SPPL2B: variants seen among roughly 807,000 people sequenced by gnomAD.
SPPL2B encodes the protein signal peptide peptidase like 2B.
In SPPL2B, 39 loss-of-function variants were observed where a neutral mutation model predicts 59.7. The observed-to-expected ratio is 0.65, with a 90% CI of 0.51 to 0.85. The LOEUF (loss-of-function observed/expected upper bound fraction) is 0.85, where lower values mean the gene tolerates loss of function less well. Among genes scored for constraint, SPPL2B ranks in the 40% least tolerant of loss-of-function variants. SPPL2B has a pLI of 0.00. For missense variants in SPPL2B, 865 were observed against 849.0 expected (o/e 1.02, Z -0.23); for synonymous variants, 419 against 370.8 (o/e 1.13, Z -1.49).
At chr19:2,339,801 A>G in intron 5 of SPPL2B, 23 bp from the exon 6 acceptor site, 1 of 1,598,888 alleles carries the variant, frequency 6.3e-7, no homozygotes, top group Non-Finnish European at 8.5e-7. Context: ...CCAGGGCCCC[A>G]CGACCCCATG....
At chr19:2,335,371 T>C (rs11084933) in intron 2 of SPPL2B, among the ~76,000 whole-genome samples, 960 of 23,226 alleles carry the variant, frequency 0.041, 19 homozygotes, top group Middle Eastern at 0.12. Flanking sequence ...GCCTCCTTTC[T>C]CACTGCATCC....
chr19:2,350,285 A>G (rs1202305281), intron 13 of SPPL2B, among the ~76,000 whole-genome samples: 3 of 132,952 alleles, frequency 2.3e-5, no homozygotes, highest in African/African-American at 3.0e-5. Flanking sequence ...CTCTCTCTCC[A>G]CACACTCACG....
At chr19:2,336,191 A>C (rs1195401023) in intron 2 of SPPL2B, among the ~76,000 whole-genome samples, 1 of 151,822 alleles carries the variant, frequency 6.6e-6, no homozygotes, top group African/African-American at 2.4e-5. Context: ...GGGCATGTGC[A>C]TGGGTCTGAA....
intron 4 of SPPL2B, 84 bp from the exon 5 acceptor site, chr19:2,338,985 C>CCTG: frequency 6.6e-7 from 1 of 1,509,524 alleles, no homozygotes; most frequent in Non-Finnish European, 8.9e-7. Flanking sequence ...GTCTCCAGCC[C>CCTG]CAGCCCCACA....
chr19:2,339,754 G>A, intron 5 of SPPL2B, 70 bp from the exon 6 acceptor site: 2 of 1,548,810 alleles, frequency 1.3e-6, no homozygotes, highest in Non-Finnish European at 8.7e-7. Flanking sequence ...CCCCCGGGTG[G>A]CTGTGGGCTC....
chr19:2,349,647 TTCTC>T (rs777815990), intron 13 of SPPL2B, among the ~76,000 whole-genome samples: 1 of 82,444 alleles, frequency 1.2e-5, no homozygotes, highest in African/African-American at 7.1e-5. Flanking sequence ...CTTGATTCCG[TTCTC>T]TCTCTCCACA....
At chr19:2,335,384 C>G (rs1312886725) in intron 2 of SPPL2B, among the ~76,000 whole-genome samples, 1 of 127,932 alleles carries the variant, frequency 7.8e-6, no homozygotes, top group African/African-American at 3.1e-5. Context: ...CTGCATCCTT[C>G]AGGCCCCGCC....
chr19:2,337,336 G>A, intron 2 of SPPL2B, 107 bp from the exon 3 acceptor site: 2 of 1,110,570 alleles, frequency 1.8e-6, no homozygotes, highest in South Asian at 1.6e-5. Context: ...GGCTTTAGGT[G>A]AGGGCTGGGA....
chr19:2,332,892 G>A lies in SPPL2B; in HGVS notation c.67-1710G>A, dbSNP rs1220081372. ...AGATGTCTTTGTCAGCTGCTGGGTG[G>A]GGGCCCTGGGCAGGGGAGCAGAAGG... On this transcript the variant is annotated intron_variant, in intron 1 of 14. Transcript: ENST00000613503. This position sits in a 1 kb window ranked among gnomAD's most constrained non-coding sequence, Gnocchi z 4.6. Among the ~76,000 whole-genome samples, 1 of 152,108 alleles carries A rather than the reference G, an allele frequency of 6.6e-6. No homozygotes were observed. The highest frequency in any genetic ancestry group is 2.4e-5 in the African/African-American group (1 of 41,414).
At chr19:2,351,972 G>T (rs981487457) in intron 14 of SPPL2B, among the ~76,000 whole-genome samples, 2 of 152,172 alleles carry the variant, frequency 1.3e-5, no homozygotes, top group African/African-American at 4.8e-5. Flanking sequence ...GGCATCCATC[G>T]CCTCTCCTGC....
intron 9 of SPPL2B, 40 bp downstream of exon 9, chr19:2,343,332 A>G (rs1447231454): frequency 6.0e-6 from 9 of 1,490,098 alleles, no homozygotes; most frequent in Non-Finnish European, 8.2e-6. Context: ...CAGCATGGGT[A>G]GTGGGGGCCC....
In SPPL2B at chr19:2,340,973, G is replaced by A. The variant is rs1240233909; in HGVS notation, c.915G>A (p.Val305=). The change falls in exon 8 of 15, where the codon GTG becomes GTA. Residue 305 remains valine (V), a synonymous_variant. Transcript: ENST00000613503. ...TGCTGCTCCTGGCGCTCTTCTGCGTGGCCGTCAGCGTGGTGTGGGGCGTCT... is the reference window on the plus strand; with the variant it reads ...TGCTGCTCCTGGCGCTCTTCTGCGTAGCCGTCAGCGTGGTGTGGGGCGTCT... ...ARMLLLALFC[V]AVSVVWGVFR... 1.2e-6 allele frequency: 2 copies of A among 1,604,882 alleles called. No homozygotes were observed. The highest frequency in any genetic ancestry group is 1.7e-6 in the Non-Finnish European group (2 of 1,179,606).
rs766987228 is a variant in SPPL2B at position 2,341,129 on chromosome 19, C to T, written c.956+115C>T. ...AGGCCGCCCCAGCCTGGAGCTGCTTCAGCACCGCGTGATGAAGAGCCCTGG... is the reference window on the plus strand; with the variant it reads ...AGGCCGCCCCAGCCTGGAGCTGCTTTAGCACCGCGTGATGAAGAGCCCTGG... On this transcript the variant is annotated intron_variant, in intron 8 of 14. Transcript: ENST00000613503. 12 of 769,694 alleles carry T rather than the reference C, an allele frequency of 1.6e-5. No homozygotes were observed. In the African/African-American group the frequency reaches 1.9e-4, roughly 12 times the overall value. 47.7% of individuals were successfully genotyped at this position (769,694 alleles called of 1,614,324 possible).
rs141728291 is a variant in SPPL2B at position 2,349,868 on chromosome 19, TTC to T, written c.1355-1557_1355-1556del. Among the ~76,000 whole-genome samples, 425 of 135,912 alleles carry T rather than the reference TTC, an allele frequency of 3.1e-3. 2 individuals carry two copies. The highest frequency in any genetic ancestry group is 0.01 in the African/African-American group (358 of 35,022). 89.2% of individuals were successfully genotyped at this position (135,912 alleles called of 152,430 possible). ...TCACGCTCTCATTCGCTTGATTCCG[TTC>T]TCTCTCTCCACACACACTCGCGCCC... On this transcript the variant is annotated intron_variant, in intron 13 of 14. Transcript: ENST00000613503.
In SPPL2B at chr19:2,339,704, C is replaced by T. The variant is rs1243192988; in HGVS notation, c.600-120C>T. 5.8e-6 allele frequency: 7 copies of T among 1,213,824 alleles called. No individual in the cohort carries two copies. In the South Asian group the frequency reaches 7.1e-5, roughly 12 times the overall value. The allele number at this position is 1,213,824 out of a possible 1,614,324, so 75.2% of individuals were successfully genotyped here. ...GGGGCGGTTCCTTGCACTTCAGTCC[C>T]CCCCGGGTCCCCTCCTGCTCCCGGG... On this transcript the variant is annotated intron_variant, in intron 5 of 14. Transcript: ENST00000613503.
Position 2,351,514 on chromosome 19 carries a change from C to A in SPPL2B, c.1435C>A (p.Pro479Thr), listed in dbSNP as rs368916635. The A allele has an allele frequency of 6.2e-7, 1 of 1,611,068 alleles. No individual in the cohort carries two copies. The change falls in exon 14 of 15, where the codon CCC (proline) becomes ACC (threonine). Residue 479 changes from proline (P) to threonine (T), a missense_variant. Coordinates refer to ENST00000613503, the MANE Select transcript of SPPL2B (RefSeq NM_152988.3). Reference protein sequence around the residue: ...RGQPALLYLVPCTLVTSCAVA... With the variant: ...RGQPALLYLVTCTLVTSCAVA... The stretch of plus-strand genomic sequence containing the variant: ...CCAGCCCGCTCTCCTCTACCTGGTG[C>A]CCTGCACGCTGGTGACGAGCTGCGC...
chr19:2,350,510 C>G (rs561200259), intron 13 of SPPL2B, among the ~76,000 whole-genome samples: 1 of 152,136 alleles, frequency 6.6e-6, no homozygotes, highest in African/African-American at 2.4e-5. Flanking sequence ...TTCTCTCTCT[C>G]TCCACACACA....
Position 2,339,070 on chromosome 19 carries a change from G to T in SPPL2B, c.461G>T (p.Arg154Leu), listed in dbSNP as rs754834119. The change falls in exon 5 of 15, where the codon CGT (arginine) becomes CTT (leucine). Residue 154 changes from arginine to leucine, a missense_variant and splice_region_variant. Arg to Leu is a moderately radical substitution (Grantham distance 102, BLOSUM62 -2). Coordinates refer to ENST00000613503, the MANE Select transcript of SPPL2B (RefSeq NM_152988.3). Reference protein sequence around the residue: ...SYKDMLDIFTRFGRTVRAALY... With the variant: ...SYKDMLDIFTLFGRTVRAALY... The stretch of plus-strand genomic sequence containing the variant: ...CCTCCGGTGTGTTCCTTGAGGCAGC[G>T]TTTCGGCCGCACGGTGAGGGCGGCG... 1 of 1,555,556 alleles carries T rather than the reference G, an allele frequency of 6.4e-7. No homozygotes were observed. Among genetic ancestry groups the T allele is most frequent in the Non-Finnish European group, 8.7e-7 (1 of 1,149,598 alleles).
intron 13 of SPPL2B, among the ~76,000 whole-genome samples, chr19:2,347,354 CCACA>C (rs1241893294): frequency 8.1e-5 from 2 of 24,628 alleles, no homozygotes; most frequent in Non-Finnish European, 9.0e-5. Flanking sequence ...CGTTCTCTCT[CCACA>C]CACACACACT....
Sources: gnomAD v4.1 joint callset for allele counts (sites outside exome capture counted in the v4.1 genomes callset) on GRCh38, gnomAD v4.1.1 for gene constraint, Gnocchi (gnomAD v3.1) non-coding constraint, MANE v1.5 for transcripts, NCBI Gene and HGNC (gene_info 2026-07-23, HGNC 2026-07-21) for gene names.